PJA2: variants seen among roughly 807,000 people sequenced by gnomAD.
The protein encoded by PJA2 is E3 ubiquitin-protein ligase Praja-2.
A neutral mutation model predicts 69.3 loss-of-function variants in PJA2; 25 were observed. That is an observed-to-expected ratio of 0.36 (90% CI 0.26 to 0.50). PJA2 has a LOEUF of 0.50. Ranked by LOEUF, PJA2 falls within the 20% of genes least tolerant of loss-of-function variation. PJA2 has a pLI of 0.96. For missense variants in PJA2, 809 were observed against 830.2 expected (o/e 0.97, Z 0.31); for synonymous variants, 308 against 277.8 (o/e 1.11, Z -1.08).
In PJA2 at chr5:109,375,276, G is replaced by A. The variant is rs564980807; in HGVS notation, c.1283+2928C>T. Reference sequence around the variant, plus strand: ...TGTAATCTTGACACTCTGGGAGGCTGAGGCGGGTGGATCACTTGAGGTCAC... The same window carrying A: ...TGTAATCTTGACACTCTGGGAGGCTAAGGCGGGTGGATCACTTGAGGTCAC... On this transcript the variant is annotated intron_variant, in intron 4 of 9. Transcript: ENST00000361189. 3.3e-5 allele frequency among the ~76,000 whole-genome samples: 5 copies of A among 152,302 alleles called. No individual in the cohort carries two copies. In the South Asian group the frequency reaches 1.0e-3, roughly 32 times the overall value.
intron 7 of PJA2, among the ~76,000 whole-genome samples, 196 bp downstream of exon 7, chr5:109,355,719 G>A (rs937142837): frequency 6.6e-6 from 1 of 152,160 alleles, no homozygotes; most frequent in Non-Finnish European, 1.5e-5. Flanking sequence ...GAGAAATACT[G>A]AAATTTAAGG....
chr5:109,363,609 A>T (rs552650782), intron 5 of PJA2, among the ~76,000 whole-genome samples: 2 of 152,348 alleles, frequency 1.3e-5, no homozygotes, highest in South Asian at 4.1e-4. Context: ...TGTCAGATTC[A>T]TAAGTCACCA....
In PJA2 at chr5:109,379,109, C is replaced by T. The variant is rs1746975970; in HGVS notation, c.378G>A (p.Glu126=). 3 of 1,613,988 alleles carry T rather than the reference C, an allele frequency of 1.9e-6. No individual in the cohort carries two copies. Among genetic ancestry groups the T allele is most frequent in the African/African-American group, 1.3e-5 (1 of 74,900 alleles). Residue 126 remains glutamate (E), a synonymous_variant, in exon 4 of 10, where the codon GAG becomes GAA. Transcript: ENST00000361189. ...SQSFVAVHHS[E]EGRDTLGSST... ...TGCTTCCTAAGGTATCCCTGCCTTC[C>T]TCACTGTGATGTACTGCAACAAAGG...
At chr5:109,354,016 A>G (rs1050108125) in intron 7 of PJA2, among the ~76,000 whole-genome samples, 1 of 144,382 alleles carries the variant, frequency 6.9e-6, no homozygotes, top group Non-Finnish European at 1.5e-5. Context: ...TATAGATTAG[A>G]TATCTATGAT....
chr5:109,398,996 G>C (rs1747480435), intron 1 of PJA2, among the ~76,000 whole-genome samples: 1 of 152,012 alleles, frequency 6.6e-6, no homozygotes, highest in Non-Finnish European at 1.5e-5. Context: ...AGGATCACCT[G>C]AGGTCAGGAG....
intron 9 of PJA2, among the ~76,000 whole-genome samples, chr5:109,342,724 G>A (rs1162372943): frequency 4.6e-4 from 61 of 134,052 alleles, no homozygotes; most frequent in South Asian, 1.2e-3. Flanking sequence ...CCCCCCGCCC[G>A]GCCAGCCGCC....
At chr5:109,408,669 C>G (rs1369702728) in intron 1 of PJA2, among the ~76,000 whole-genome samples, 1 of 152,164 alleles carries the variant, frequency 6.6e-6, no homozygotes, top group Admixed American at 6.5e-5. Flanking sequence ...TAAATTTTAC[C>G]TAACAGTCCG....
Position 109,337,086 on chromosome 5 carries a change from A to G in PJA2, c.*145T>C. On this transcript the variant is annotated 3_prime_UTR_variant, in exon 10 of 10. Coordinates refer to ENST00000361189, the MANE Select transcript of PJA2 (RefSeq NM_014819.5). ...CTTTCTGCAAACCTAAATTTAGTTT[A>G]GAAAGGTTAATATTCTTTCTAAACT... The G allele has an allele frequency of 1.4e-6, 1 of 739,606 alleles. No homozygotes were observed. Among genetic ancestry groups the G allele is most frequent in the African/African-American group, 1.9e-5 (1 of 53,494 alleles). The allele number at this position is 739,606 out of a possible 1,614,324, so 45.8% of individuals were successfully genotyped here. A position where few individuals can be genotyped will look rare whatever the true frequency, so the allele number is the denominator to read the frequency against.
At chr5:109,400,462 A>G (rs1392279000) in intron 1 of PJA2, among the ~76,000 whole-genome samples, 1 of 139,262 alleles carries the variant, frequency 7.2e-6, no homozygotes, top group Non-Finnish European at 1.6e-5. Context: ...GAACCCCACA[A>G]AAAGAGAGCA....
chr5:109,385,950 G>C (rs1425198843), intron 1 of PJA2, among the ~76,000 whole-genome samples: 2 of 152,092 alleles, frequency 1.3e-5, no homozygotes, highest in African/African-American at 2.4e-5. Flanking sequence ...TTGTGTGCAT[G>C]AAATAAAGCT....
At chr5:109,347,515 C>G (rs1260566012) in intron 7 of PJA2, among the ~76,000 whole-genome samples, 3 of 152,192 alleles carry the variant, frequency 2.0e-5, no homozygotes, top group Non-Finnish European at 2.9e-5. Context: ...GACAAGGTTG[C>G]CAGCAGCTTC....
chr5:109,341,989 C>T (rs1582580171), intron 9 of PJA2, among the ~76,000 whole-genome samples: 2 of 128,138 alleles, frequency 1.6e-5, no homozygotes. Context: ...CCGCCCCGTC[C>T]GGGAGGGAGG....
At chr5:109,399,608 C>T (rs1271944154) in intron 1 of PJA2, among the ~76,000 whole-genome samples, 2 of 152,226 alleles carry the variant, frequency 1.3e-5, no homozygotes, top group Admixed American at 1.3e-4. Flanking sequence ...CCCCACACCA[C>T]ACTAAAAGCC....
At chr5:109,383,890 G>A (rs1009138870) in intron 1 of PJA2, among the ~76,000 whole-genome samples, 4 of 152,138 alleles carry the variant, frequency 2.6e-5, no homozygotes, top group African/African-American at 9.7e-5. Flanking sequence ...TCATGCCACT[G>A]CACTCCAGGC....
At chr5:109,382,847 CAA>C (rs376665394) in intron 2 of PJA2, among the ~76,000 whole-genome samples, 11 of 71,028 alleles carry the variant, frequency 1.5e-4, no homozygotes, top group Admixed American at 1.6e-4. Flanking sequence ...AACTCCATCT[CAA>C]AAAAAAAAAA....
intron 7 of PJA2, among the ~76,000 whole-genome samples, chr5:109,352,543 G>A (rs987432652): frequency 6.6e-6 from 1 of 151,962 alleles, no homozygotes; most frequent in Admixed American, 6.6e-5. Flanking sequence ...AAATAATTTG[G>A]CAAAAATCCT....
In PJA2 at chr5:109,376,113, A is replaced by G. The variant is rs142319785; in HGVS notation, c.1283+2091T>C. 2.3e-3 allele frequency among the ~76,000 whole-genome samples: 354 copies of G among 152,286 alleles called. 2 individuals are homozygous for G. Among genetic ancestry groups the G allele is most frequent in the African/African-American group, 7.8e-3 (323 of 41,584 alleles). The stretch of plus-strand genomic sequence containing the variant: ...AAACAAGAAACTTTTAAGCATTTCA[A>G]TGTGTCTTAAACAATGATCCTAAAG... On this transcript the variant is annotated intron_variant, in intron 4 of 9. Coordinates refer to ENST00000361189, the MANE Select transcript of PJA2 (RefSeq NM_014819.5).
At chr5:109,388,602 C>A (rs77144484) in intron 1 of PJA2, among the ~76,000 whole-genome samples, 3,306 of 150,216 alleles carry the variant, frequency 0.022, 104 homozygotes, top group African/African-American at 0.077. Flanking sequence ...CAACTGATAG[C>A]GTGGATCTAC....
chr5:109,348,747 G>A (rs73781294), intron 7 of PJA2, among the ~76,000 whole-genome samples: 2,834 of 152,322 alleles, frequency 0.019, 83 homozygotes, highest in African/African-American at 0.064. Context: ...CTAACCAGCT[G>A]AGTGAGCTTC....
Sources: gnomAD v4.1 joint callset for allele counts (sites outside exome capture counted in the v4.1 genomes callset) on GRCh38, gnomAD v4.1.1 for gene constraint, MANE v1.5 for transcripts, NCBI Gene and HGNC (gene_info 2026-07-23, HGNC 2026-07-21) for gene names.